Variants in CAP2 observed in about 807,000 individuals in gnomAD.
CAP2 encodes cyclase associated actin cytoskeleton regulatory protein 2, also known as adenylyl cyclase-associated protein 2.
A neutral mutation model predicts 57.7 loss-of-function variants in CAP2; 24 were observed. The observed-to-expected ratio is 0.42, with a 90% confidence interval of 0.30 to 0.58. CAP2 has a LOEUF of 0.58. Among genes scored for constraint, CAP2 ranks in the 20% least tolerant of loss-of-function variants. The pLI, the probability that CAP2 is intolerant of heterozygous loss-of-function variation, is 0.22. For missense variants in CAP2, 501 were observed against 590.3 expected (o/e 0.85, Z 1.57); for synonymous variants, 194 against 207.2 (o/e 0.94, Z 0.55).
intron 1 of CAP2, among the ~76,000 whole-genome samples, chr6:17,406,703 A>G (rs1350664328): frequency 2.0e-5 from 3 of 152,040 alleles, no homozygotes; most frequent in African/African-American, 7.2e-5. Flanking sequence ...AGGTTTCTTT[A>G]GAAAAAAAGT....
chr6:17,471,875 T>C (rs1395342659), intron 4 of CAP2, among the ~76,000 whole-genome samples: 1 of 152,106 alleles, frequency 6.6e-6, no homozygotes, highest in Non-Finnish European at 1.5e-5. Flanking sequence ...CGCTTAGTTA[T>C]GTTTCAGTTT....
intron 1 of CAP2, among the ~76,000 whole-genome samples, chr6:17,404,837 A>G (rs544619534): frequency 1.1e-3 from 164 of 152,030 alleles, no homozygotes; most frequent in African/African-American, 3.7e-3. Context: ...GATAACAGCC[A>G]TTACATTTTA....
chr6:17,530,206 G>A (rs764151977), intron 7 of CAP2, among the ~76,000 whole-genome samples: 2 of 152,062 alleles, frequency 1.3e-5, no homozygotes, highest in African/African-American at 2.4e-5. Context: ...CCAGCTCCCA[G>A]GTAGCTGAGA....
At chr6:17,541,275 T>G in intron 9 of CAP2, 127 bp downstream of exon 9, 1 of 667,506 alleles carries the variant, frequency 1.5e-6, no homozygotes, top group South Asian at 2.2e-5. Context: ...AACATTTGTA[T>G]ATATTTATGG....
chr6:17,412,198 T>A (rs1043249293), intron 1 of CAP2, among the ~76,000 whole-genome samples: 18 of 152,074 alleles, frequency 1.2e-4, no homozygotes, highest in African/African-American at 3.6e-4. Flanking sequence ...GTAGCCCAGT[T>A]CCCTGTGGCC....
At chr6:17,422,705 T>G (rs982262835) in intron 2 of CAP2, among the ~76,000 whole-genome samples, 2 of 152,138 alleles carry the variant, frequency 1.3e-5, no homozygotes, top group African/African-American at 4.8e-5. Flanking sequence ...CATTTTTTAA[T>G]TATATCATCA....
intron 4 of CAP2, among the ~76,000 whole-genome samples, chr6:17,496,144 G>C (rs1448882416): frequency 6.6e-6 from 1 of 151,720 alleles, no homozygotes; most frequent in East Asian, 1.9e-4. Flanking sequence ...TGAATACACA[G>C]TGAGCAGCCC....
At chr6:17,433,554 C>T (rs1412037001) in intron 3 of CAP2, among the ~76,000 whole-genome samples, 1 of 152,196 alleles carries the variant, frequency 6.6e-6, no homozygotes, top group Non-Finnish European at 1.5e-5. Context: ...GGCTACTGTG[C>T]CTCTTAGTGA....
intron 4 of CAP2, among the ~76,000 whole-genome samples, chr6:17,500,762 A>G (rs573809716): frequency 1.4e-3 from 211 of 152,330 alleles, no homozygotes; most frequent in African/African-American, 4.6e-3. Flanking sequence ...GATTTAGAAT[A>G]TATAGATAAG....
intron 1 of CAP2, among the ~76,000 whole-genome samples, chr6:17,416,265 C>T (rs1759272842): frequency 6.6e-6 from 1 of 151,982 alleles, no homozygotes; most frequent in Admixed American, 6.6e-5. Flanking sequence ...TAGTCATTTC[C>T]ATTGACCAGA....
chr6:17,539,048 G>A (rs761770164), intron 7 of CAP2, among the ~76,000 whole-genome samples: 1 of 152,084 alleles, frequency 6.6e-6, no homozygotes, highest in Non-Finnish European at 1.5e-5. Context: ...TCCTACTGAT[G>A]GGGCCACACA....
chr6:17,444,372 C>G (rs1010283187), intron 3 of CAP2, among the ~76,000 whole-genome samples: 3 of 152,264 alleles, frequency 2.0e-5, no homozygotes, highest in Admixed American at 2.0e-4. Context: ...GGCGTGGTGG[C>G]TCACGCCTGT....
At chr6:17,521,061 G>A (rs1317007347) in intron 7 of CAP2, among the ~76,000 whole-genome samples, 1 of 152,164 alleles carries the variant, frequency 6.6e-6, no homozygotes, top group East Asian at 1.9e-4. Flanking sequence ...GGGGCTCTGG[G>A]TGGCCAGTTA....
chr6:17,514,432 A>C (rs1762224660), intron 7 of CAP2, among the ~76,000 whole-genome samples: 1 of 151,698 alleles, frequency 6.6e-6, no homozygotes, highest in East Asian at 2.0e-4. Context: ...AGCTCCCTAC[A>C]TAACATAGAA....
intron 4 of CAP2, among the ~76,000 whole-genome samples, chr6:17,468,065 T>C (rs1333876443): frequency 6.6e-6 from 1 of 152,122 alleles, no homozygotes; most frequent in Admixed American, 6.6e-5. Context: ...GAACATGCAA[T>C]GTTTGCCTTT....
intron 1 of CAP2, among the ~76,000 whole-genome samples, chr6:17,403,450 T>C (rs1014165926): frequency 2.0e-5 from 3 of 152,210 alleles, no homozygotes; most frequent in African/African-American, 7.2e-5. Flanking sequence ...TCCATAAAGT[T>C]ATGGAAAGTA....
chr6:17,439,694 G>A (rs1226772655), intron 3 of CAP2, among the ~76,000 whole-genome samples: 9 of 151,386 alleles, frequency 5.9e-5, no homozygotes, highest in East Asian at 5.8e-4. Context: ...TAGATCCCTC[G>A]CGTGCAGTGT....
intron 1 of CAP2, among the ~76,000 whole-genome samples, chr6:17,396,745 C>T (rs1004605207): frequency 3.9e-5 from 6 of 152,108 alleles, no homozygotes; most frequent in African/African-American, 7.2e-5. Flanking sequence ...TAGTGATAGT[C>T]GCACGTATCT....
chr6:17,494,042 T>C (rs1262583754), intron 4 of CAP2, among the ~76,000 whole-genome samples: 1 of 152,200 alleles, frequency 6.6e-6, no homozygotes, highest in East Asian at 1.9e-4. Flanking sequence ...TAAAATCTAC[T>C]TTTCACAATC....
Sources: gnomAD v4.1 joint callset for allele counts (sites outside exome capture counted in the v4.1 genomes callset) on GRCh38, gnomAD v4.1.1 for gene constraint, MANE v1.5 for transcripts, NCBI Gene and HGNC (gene_info 2026-07-23, HGNC 2026-07-21) for gene names.